RIPK1: variants seen among roughly 807,000 people sequenced by gnomAD.
RIPK1 encodes receptor interacting serine/threonine kinase 1.
RIPK1 carries 27 observed loss-of-function variants against 62.4 expected under a neutral mutation model. The ratio of observed to expected loss-of-function variants is 0.43; its 90% CI spans 0.32 to 0.60. The LOEUF (loss-of-function observed/expected upper bound fraction) is 0.60. Among genes scored for constraint, RIPK1 ranks in the 20% least tolerant of loss-of-function variants. RIPK1 has a pLI of 0.07. For missense variants in RIPK1, 735 were observed against 831.0 expected, an observed-to-expected ratio of 0.88 and a Z score of 1.42; for synonymous variants, 287 against 303.2, an observed-to-expected ratio of 0.95 and a Z score of 0.55.
upstream of RIPK1, among the ~76,000 whole-genome samples, chr6:3,067,051 A>ATTTTTTTTTTTTT (rs36132424): frequency 1.1e-3 from 66 of 59,042 alleles, no homozygotes; most frequent in East Asian, 1.5e-3. Flanking sequence ...TTGCTCCAGG[A>ATTTTTTTTTTTTT]TTTTTTTTTT....
chr6:3,110,772 AT>A, intron 9 of RIPK1, 30 bp from the exon 10 acceptor site: 1 of 1,436,854 alleles, frequency 7.0e-7, no homozygotes, highest in Non-Finnish European at 9.6e-7. Context: ...TTGATCTAGA[AT>A]TACTTACCTG....
upstream of RIPK1, among the ~76,000 whole-genome samples, chr6:3,065,424 G>A (rs1469376189): frequency 2.0e-5 from 3 of 152,012 alleles, no homozygotes; most frequent in East Asian, 1.9e-4. Context: ...CGACAGTGGG[G>A]AGTGGCTCTA....
At chr6:3,104,764 C>A (rs1355911838) in intron 8 of RIPK1, among the ~76,000 whole-genome samples, 1 of 152,168 alleles carries the variant, frequency 6.6e-6, no homozygotes, top group Non-Finnish European at 1.5e-5. Flanking sequence ...TTAACCTCTT[C>A]TAAACTTCAC....
At chr6:3,081,987 A>G (rs552312494) in intron 4 of RIPK1, among the ~76,000 whole-genome samples, 1 of 151,410 alleles carries the variant, frequency 6.6e-6, no homozygotes, top group East Asian at 1.9e-4. Flanking sequence ...GTATTTTAAA[A>G]ATCAGTTTCC....
chr6:3,076,756 C>G lies in RIPK1; in HGVS notation c.-60-8C>G. 1 of 1,482,710 alleles carries G rather than the reference C, an allele frequency of 6.7e-7. No homozygotes were observed. The highest frequency in any genetic ancestry group is 9.0e-7 in the Non-Finnish European group (1 of 1,110,414). 91.8% of individuals were successfully genotyped at this position (1,482,710 alleles called of 1,614,324 possible). ...TGCCCTGAGGTTTTCTCTCTGTTTT[C>G]TTTACAGGGTACAGCTCTGCCGGGG... On this transcript the variant is annotated splice_polypyrimidine_tract_variant and splice_region_variant and intron_variant, in intron 1 of 10. Transcript: ENST00000259808.
intron 7 of RIPK1, among the ~76,000 whole-genome samples, chr6:3,102,892 G>A (rs763263058): frequency 1.2e-4 from 19 of 152,094 alleles, no homozygotes; most frequent in Non-Finnish European, 2.1e-4. Context: ...TCCCATGCCC[G>A]GCCATGTTTA....
intron 9 of RIPK1, among the ~76,000 whole-genome samples, chr6:3,108,857 TC>T (rs1202957665): frequency 6.6e-6 from 1 of 152,128 alleles, no homozygotes; most frequent in African/African-American, 2.4e-5. Context: ...GTCCCTAGTT[TC>T]CTTGGCTTCC....
chr6:3,113,042 C>T lies in RIPK1; in HGVS notation c.1730-11C>T. ...TTAGCTTGATACCTTCTTCTTTTTC[C>T]CATTTGGCAGATAATACCACTAGTC... is the stretch of plus-strand genomic sequence containing the variant. On this transcript the variant is annotated splice_polypyrimidine_tract_variant and intron_variant, in intron 10 of 10. Coordinates refer to ENST00000259808, the MANE Select transcript of RIPK1 (RefSeq NM_001354930.2). This position sits in a 1 kb window ranked among gnomAD's most constrained non-coding sequence, Gnocchi z 5.0. 2 of 1,513,544 alleles carry T rather than the reference C, an allele frequency of 1.3e-6. No individual in the cohort carries two copies. The highest frequency in any genetic ancestry group is 1.8e-6 in the Non-Finnish European group (2 of 1,130,680). The allele number at this position is 1,513,544 out of a possible 1,614,324, so 93.8% of individuals were successfully genotyped here.
chr6:3,071,992 A>G (rs1431964338), intron 1 of RIPK1, among the ~76,000 whole-genome samples: 1 of 152,174 alleles, frequency 6.6e-6, no homozygotes, highest in Non-Finnish European at 1.5e-5. Flanking sequence ...ACCTTTTTTA[A>G]ATATTATTAA....
At chr6:3,076,012 C>T (rs184115596) in intron 1 of RIPK1, among the ~76,000 whole-genome samples, 2 of 152,222 alleles carry the variant, frequency 1.3e-5, no homozygotes, top group East Asian at 3.9e-4. Context: ...TTGACCTCAG[C>T]TGGGCTTTAA....
chr6:3,106,857 A>C (rs916176898), intron 9 of RIPK1, among the ~76,000 whole-genome samples: 5 of 152,276 alleles, frequency 3.3e-5, no homozygotes, highest in African/African-American at 1.2e-4. Context: ...TCCTATGAGC[A>C]GAATGTCCTT....
At chr6:3,089,711 A>G in intron 7 of RIPK1, 54 bp downstream of exon 7, 2 of 967,686 alleles carry the variant, frequency 2.1e-6, no homozygotes, top group Non-Finnish European at 3.2e-6. Context: ...ATATACTGTC[A>G]ATCATGAAAA....
Position 3,072,754 on chromosome 6 carries a change from C to G in RIPK1, c.-60-4010C>G, listed in dbSNP as rs1758794461. 6.6e-6 allele frequency among the ~76,000 whole-genome samples: 1 copy of G among 152,128 alleles called. No homozygotes were observed. Among genetic ancestry groups the G allele is most frequent in the East Asian group, 1.9e-4 (1 of 5,202 alleles). On this transcript the variant is annotated intron_variant, in intron 1 of 10. Coordinates refer to ENST00000259808, the MANE Select transcript of RIPK1 (RefSeq NM_001354930.2). The surrounding 1 kb of genome is among the most constrained non-coding windows in gnomAD (Gnocchi z 5.6). Reference sequence around the variant, plus strand: ...TTGACAAAATGACAGTTCTCTGACACCTAACCAGGCAAGAAGTTGGAAGAA... The same window carrying G: ...TTGACAAAATGACAGTTCTCTGACAGCTAACCAGGCAAGAAGTTGGAAGAA...
intron 3 of RIPK1, 42 bp from the exon 4 acceptor site, chr6:3,080,937 G>T (rs1204877481): frequency 1.9e-6 from 3 of 1,598,468 alleles, no homozygotes; most frequent in Admixed American, 3.4e-5. Context: ...TGGCCTATTT[G>T]ATAACCTTTC....
At position 3,104,267 on chromosome 6, in the gene RIPK1, T is replaced by G; in HGVS notation, c.958T>G (p.Ser320Ala). 1 of 1,605,368 alleles carries G rather than the reference T, an allele frequency of 6.2e-7. No homozygotes were observed. The highest frequency in any genetic ancestry group is 8.5e-7 in the Non-Finnish European group (1 of 1,172,652). ...NENAVVKRMQ[S>A]LQLDCVAVPS... ...AAATGCAGTTGTGAAGAGAATGCAG[T>G]CTCTTCAACTTGATTGTGTGGCAGT... Residue 320 changes from serine to alanine, a missense_variant, in exon 8 of 11, where the codon TCT (serine) becomes GCT (alanine). Coordinates refer to ENST00000259808, the MANE Select transcript of RIPK1 (RefSeq NM_001354930.2).
At chr6:3,088,659 G>C (rs912760212) in intron 6 of RIPK1, 1 of 152,642 alleles carries the variant, frequency 6.6e-6, no homozygotes, top group Non-Finnish European at 1.5e-5. Flanking sequence ...GGTGGGGTTG[G>C]AGCCACAGGG....
In RIPK1 at chr6:3,105,875, G is replaced by A; in HGVS notation, c.1400G>A (p.Gly467Glu). Reference sequence around the variant, plus strand: ...CCTCAAGTACTGTATCAGAACAATGGATTATATAGCTCACATGGCTTTGGA... The same window carrying A: ...CCTCAAGTACTGTATCAGAACAATGAATTATATAGCTCACATGGCTTTGGA... ...SQPQVLYQNN[G>E]LYSSHGFGTR... Residue 467 changes from glycine to glutamate, a missense_variant, in exon 9 of 11, where the codon GGA becomes GAA. Gly to Glu is a moderately conservative substitution (Grantham distance 98). Coordinates refer to ENST00000259808, the MANE Select transcript of RIPK1 (RefSeq NM_001354930.2). This position sits in a 1 kb window ranked among gnomAD's most constrained non-coding sequence, Gnocchi z 4.5. The A allele has an allele frequency of 6.2e-7, 1 of 1,614,168 alleles. No homozygotes were observed. The highest frequency in any genetic ancestry group is 1.6e-4 in the Middle Eastern group (1 of 6,062).
At chr6:3,112,707 AT>A (rs1554118052) in intron 10 of RIPK1, among the ~76,000 whole-genome samples, 4 of 150,330 alleles carry the variant, frequency 2.7e-5, no homozygotes, top group East Asian at 3.9e-4. Context: ...ATTAAAAAAA[AT>A]TTTTTTTTTG....
intron 4 of RIPK1, 24 bp from the exon 5 acceptor site, chr6:3,083,061 C>G: frequency 6.2e-7 from 1 of 1,608,882 alleles, no homozygotes; most frequent in African/African-American, 1.3e-5. Context: ...CCAAACAATC[C>G]CAGTGGCTCA....
Sources: gnomAD v4.1 joint callset for allele counts (sites outside exome capture counted in the v4.1 genomes callset) on GRCh38, gnomAD v4.1.1 for gene constraint, Gnocchi (gnomAD v3.1) non-coding constraint, MANE v1.5 for transcripts, NCBI Gene and HGNC (gene_info 2026-07-23, HGNC 2026-07-21) for gene names.